ARHGEF7: variants seen among roughly 807,000 people sequenced by gnomAD.
ARHGEF7 encodes Rho guanine nucleotide exchange factor 7.
Under a neutral mutation model 109.8 loss-of-function variants are expected in ARHGEF7, and 33 were observed. The ratio of observed to expected loss-of-function variants is 0.30; its 90% confidence interval spans 0.23 to 0.40. ARHGEF7 has a LOEUF of 0.40. Among genes scored for constraint, ARHGEF7 ranks in the 10% least tolerant of loss-of-function variants. The pLI is 1.00. For missense variants in ARHGEF7, 938 were observed against 1,098.5 expected (o/e 0.85, Z 2.07); for synonymous variants, 458 against 424.6 (o/e 1.08, Z -0.97).
chr13:111,213,078 ATTG>A lies in ARHGEF7; in HGVS notation c.468+3080_468+3082del, dbSNP rs542787996. Among the ~76,000 whole-genome samples, 11 of 152,216 alleles carry A rather than the reference ATTG, an allele frequency of 7.2e-5. No individual in the cohort carries two copies. In the South Asian group the frequency reaches 2.1e-3, roughly 29 times the overall value. ...GCTCTTAGAGAGCGGAGGAGAGGGT[ATTG>A]TTGGTGTGAAGCAGCACTCCAGAGT... On this transcript the variant is annotated intron_variant, in intron 4 of 21. Transcript: ENST00000646102.
At chr13:111,160,160 G>A (rs1321853149) in intron 2 of ARHGEF7, among the ~76,000 whole-genome samples, 1 of 152,182 alleles carries the variant, frequency 6.6e-6, no homozygotes, top group South Asian at 2.1e-4. Flanking sequence ...TCTATTGACT[G>A]TATCATGTGA....
chr13:111,209,559 A>C (rs1018650240), intron 3 of ARHGEF7, among the ~76,000 whole-genome samples: 1 of 152,184 alleles, frequency 6.6e-6, no homozygotes, highest in Non-Finnish European at 1.5e-5. Flanking sequence ...CAAATTTGAG[A>C]GGCTTTTTTT....
At position 111,292,098 on chromosome 13, in the gene ARHGEF7, C is replaced by G; in HGVS notation, c.2135-20C>G. Reference sequence around the variant, plus strand: ...TCACCCCCTGCCTGTCGCGCCTGTCCCTCCGCCCGCCCGTCTTAGCATGGC... The same window carrying G: ...TCACCCCCTGCCTGTCGCGCCTGTCGCTCCGCCCGCCCGTCTTAGCATGGC... On this transcript the variant is annotated intron_variant, in intron 18 of 21. Coordinates refer to ENST00000646102, the MANE Select transcript of ARHGEF7 (RefSeq NM_001354046.2). 1 of 1,608,472 alleles carries G rather than the reference C, an allele frequency of 6.2e-7. No individual in the cohort carries two copies. Among genetic ancestry groups the G allele is most frequent in the Non-Finnish European group, 8.5e-7 (1 of 1,177,046 alleles).
chr13:111,122,114 G>A (rs1031937386), intron 1 of ARHGEF7, among the ~76,000 whole-genome samples: 1 of 152,234 alleles, frequency 6.6e-6, no homozygotes, highest in Non-Finnish European at 1.5e-5. Context: ...ATCCCACTCT[G>A]GACAGACCAC....
At chr13:111,257,953 A>G (rs1298166081) in intron 8 of ARHGEF7, among the ~76,000 whole-genome samples, 1 of 152,264 alleles carries the variant, frequency 6.6e-6, no homozygotes, top group Non-Finnish European at 1.5e-5. Flanking sequence ...GTGGGCTAAA[A>G]TGACCTGGGG....
At chr13:111,232,815 T>C (rs1186341657) in intron 5 of ARHGEF7, among the ~76,000 whole-genome samples, 1 of 152,242 alleles carries the variant, frequency 6.6e-6, no homozygotes, top group African/African-American at 2.4e-5. Context: ...CCCTAACTTT[T>C]AGCCCTGATG....
chr13:111,236,354 T>C (rs1183741244), intron 6 of ARHGEF7, among the ~76,000 whole-genome samples: 1 of 152,226 alleles, frequency 6.6e-6, no homozygotes, highest in Non-Finnish European at 1.5e-5. Context: ...ACTGCTTCTT[T>C]TTTTCTTGTG....
chr13:111,287,757 A>T (rs114175904), intron 17 of ARHGEF7, among the ~76,000 whole-genome samples: 1 of 152,208 alleles, frequency 6.6e-6, no homozygotes, highest in African/African-American at 2.4e-5. Flanking sequence ...GTGTGGGCCC[A>T]AGCTCCCCTG....
chr13:111,243,343 A>G (rs946093769), intron 6 of ARHGEF7, among the ~76,000 whole-genome samples: 4 of 152,248 alleles, frequency 2.6e-5, no homozygotes, highest in African/African-American at 9.6e-5. Context: ...AAATCAAAAT[A>G]CAGAACCTAT....
intron 1 of ARHGEF7, among the ~76,000 whole-genome samples, chr13:111,132,907 T>C (rs2074837672): frequency 6.6e-6 from 1 of 151,776 alleles, no homozygotes; most frequent in African/African-American, 2.4e-5. Flanking sequence ...GAGAATGATA[T>C]ACACACACAC....
intron 15 of ARHGEF7, 57 bp from the exon 16 acceptor site, chr13:111,283,082 C>T (rs373843597): frequency 2.9e-5 from 44 of 1,536,626 alleles, no homozygotes; most frequent in African/African-American, 1.4e-4. Context: ...AGTGCCCTTT[C>T]GCGGTGAGCA....
At chr13:111,133,342 A>C (rs1306135973) in intron 1 of ARHGEF7, among the ~76,000 whole-genome samples, 1 of 152,146 alleles carries the variant, frequency 6.6e-6, no homozygotes, top group African/African-American at 2.4e-5. Context: ...AGACATACAC[A>C]TGCACACACA....
chr13:111,275,598 A>C lies in ARHGEF7; in HGVS notation c.1339A>C (p.Asn447His). Residue 447 changes from asparagine to histidine, a missense_variant, in exon 12 of 22, where the codon AAC (asparagine) becomes CAC (histidine). This residue lies in a region of ARHGEF7 where 585 missense variants were observed against 723.6 expected (regional missense o/e 0.81). Transcript: ENST00000646102. ...GCAGATCCTGACGGAAGCCATCCGG[A>C]ACTGGGAGGGCGATGACATTAAAAC... ...ELQILTEAIRNWEGDDIKTLG... is the reference protein window; with the variant it reads ...ELQILTEAIRHWEGDDIKTLG... The C allele has an allele frequency of 2.5e-6, 4 of 1,614,186 alleles. No individual in the cohort carries two copies. Among genetic ancestry groups the C allele is most frequent in the Non-Finnish European group, 3.4e-6 (4 of 1,180,036 alleles).
rs926879140 is a variant in ARHGEF7, at chr13:111,286,378, A to G, written c.2044+138A>G. ...AAGGTCTGCCCCTTGAGGCAGTGAT[A>G]GGAATAAGCCACGTAACATTTACCC... On this transcript the variant is annotated intron_variant, in intron 17 of 21. Coordinates refer to ENST00000646102, the MANE Select transcript of ARHGEF7 (RefSeq NM_001354046.2). The G allele has an allele frequency of 3.1e-5, 22 of 700,300 alleles. No individual in the cohort carries two copies. In the Admixed American group the frequency reaches 4.9e-4, roughly 16 times the overall value. The allele number at this position is 700,300 out of a possible 1,614,324, so 43.4% of individuals were successfully genotyped here.
intron 4 of ARHGEF7, among the ~76,000 whole-genome samples, chr13:111,215,683 C>G (rs1159482744): frequency 1.3e-5 from 2 of 152,198 alleles, no homozygotes; most frequent in South Asian, 2.1e-4. Flanking sequence ...GGTTGCAGAT[C>G]TAGTCTTTTG....
intron 6 of ARHGEF7, among the ~76,000 whole-genome samples, chr13:111,240,260 C>T (rs1321458288): frequency 6.6e-6 from 1 of 152,182 alleles, no homozygotes; most frequent in African/African-American, 2.4e-5. Flanking sequence ...AAACCTTTAA[C>T]ATTTAGGAGA....
rs1567109652 is a variant in ARHGEF7, at chr13:111,292,103, GC to G, written c.2135-12del. 59 of 1,608,374 alleles carry G rather than the reference GC, an allele frequency of 3.7e-5. No individual in the cohort carries two copies. The highest frequency in any genetic ancestry group is 4.9e-5 in the Non-Finnish European group (58 of 1,177,214). On this transcript the variant is annotated splice_polypyrimidine_tract_variant and intron_variant, in intron 18 of 21. Transcript: ENST00000646102. ...CCCTGCCTGTCGCGCCTGTCCCTCC[GC>G]CCGCCCGTCTTAGCATGGCAAGGCA...
At chr13:111,252,652 A>AC (rs2089924593) in intron 8 of ARHGEF7, among the ~76,000 whole-genome samples, 2 of 152,170 alleles carry the variant, frequency 1.3e-5, no homozygotes, top group African/African-American at 4.8e-5. Context: ...ACTTCCATGT[A>AC]CAGACCTACT....
At chr13:111,176,473 C>G (rs1487584474) in intron 2 of ARHGEF7, among the ~76,000 whole-genome samples, 1 of 152,184 alleles carries the variant, frequency 6.6e-6, no homozygotes, top group East Asian at 1.9e-4. Context: ...TTTGCTTCCT[C>G]CCCAGTTTCT....
Sources: gnomAD v4.1 joint callset for allele counts (sites outside exome capture counted in the v4.1 genomes callset) on GRCh38, gnomAD v4.1.1 for gene constraint, gnomAD v4.1.1 regional missense constraint, MANE v1.5 for transcripts, NCBI Gene and HGNC (gene_info 2026-07-23, HGNC 2026-07-21) for gene names.